Variants in CUBN observed in about 807,000 individuals in gnomAD.
CUBN encodes 460 kDa receptor.
CUBN carries 282 observed loss-of-function variants against 405.3 expected under a neutral mutation model. That is an observed-to-expected ratio of 0.70 (90% CI 0.63 to 0.77). CUBN has a LOEUF of 0.77. Ranked by LOEUF, CUBN falls within the 30% of genes least tolerant of loss-of-function variation. The pLI is 0.00. For synonymous variants in CUBN, 1,684 were observed against 1,617.0 expected (o/e 1.04, Z -0.99); for missense variants, 4,514 against 4,475.2 (o/e 1.01, Z -0.25).
chr10:16,901,741 G>A (rs1416354980), intron 51 of CUBN, among the ~76,000 whole-genome samples: 1 of 151,104 alleles, frequency 6.6e-6, no homozygotes, highest in Non-Finnish European at 1.5e-5. Context: ...GTAATCCCAG[G>A]TATTCAGGAG....
intron 22 of CUBN, among the ~76,000 whole-genome samples, chr10:17,060,603 A>C (rs769932328): frequency 5.9e-5 from 9 of 152,228 alleles, no homozygotes; most frequent in Non-Finnish European, 1.0e-4. Flanking sequence ...AATTATGAGA[A>C]AACACTAGCC....
At chr10:17,043,189 G>A (rs1013359464) in intron 26 of CUBN, among the ~76,000 whole-genome samples, 1 of 152,124 alleles carries the variant, frequency 6.6e-6, no homozygotes, top group African/African-American at 2.4e-5. Flanking sequence ...AGGGTTAGGA[G>A]CCAGAACAAA....
At chr10:16,860,881 C>A (rs1264740572) in intron 59 of CUBN, among the ~76,000 whole-genome samples, 2 of 152,202 alleles carry the variant, frequency 1.3e-5, no homozygotes, top group Non-Finnish European at 2.9e-5. Flanking sequence ...TGCTTCAAAA[C>A]ATCATCCCCA....
At chr10:16,944,692 C>T (rs1164131370) in intron 36 of CUBN, among the ~76,000 whole-genome samples, 1 of 152,158 alleles carries the variant, frequency 6.6e-6, no homozygotes, top group African/African-American at 2.4e-5. Flanking sequence ...TCAAAATTAA[C>T]TTCTTACAGG....
At position 16,915,945 on chromosome 10, in the gene CUBN, G is replaced by A. The variant is rs1451437310; in HGVS notation, c.7086C>T (p.Phe2362=). ...HPTLPYRDNL[F]CEWHLQGLSG... is the part of the protein sequence containing the mutation. Reference sequence around the variant, plus strand: ...AGAGCCCCTGGAGATGCCACTCACAGAATAAGTTGTCTCTGTATGGAAGTG... The same window carrying A: ...AGAGCCCCTGGAGATGCCACTCACAAAATAAGTTGTCTCTGTATGGAAGTG... The change falls in exon 46 of 67, where the codon TTC becomes TTT. Residue 2362 remains phenylalanine, a synonymous_variant. Transcript: ENST00000377833. 6.2e-7 allele frequency: 1 copy of A among 1,614,016 alleles called. No homozygotes were observed. The highest frequency in any genetic ancestry group is 1.3e-5 in the African/African-American group (1 of 74,918).
At chr10:17,083,670 T>G (rs767249043) in intron 17 of CUBN, among the ~76,000 whole-genome samples, 1 of 152,150 alleles carries the variant, frequency 6.6e-6, no homozygotes, top group Non-Finnish European at 1.5e-5. Context: ...TTTTCCTGGA[T>G]GAATAAATGG....
chr10:17,049,063 T>A (rs1835201479), intron 22 of CUBN, among the ~76,000 whole-genome samples: 1 of 152,234 alleles, frequency 6.6e-6, no homozygotes, highest in Non-Finnish European at 1.5e-5. Flanking sequence ...TAGAAAAGTA[T>A]GCTTCTCTGT....
intron 22 of CUBN, among the ~76,000 whole-genome samples, chr10:17,051,468 G>T (rs1429744651): frequency 6.6e-6 from 1 of 152,090 alleles, no homozygotes; most frequent in African/African-American, 2.4e-5. Context: ...GTCATCTTGT[G>T]ATTCAAAGAT....
intron 64 of CUBN, among the ~76,000 whole-genome samples, chr10:16,833,191 C>T (rs577558113): frequency 7.0e-4 from 106 of 152,298 alleles, no homozygotes; most frequent in African/African-American, 2.5e-3. Context: ...CGGGATTATT[C>T]CATCTTTCCT....
chr10:16,934,480 A>G (rs1842445846), intron 39 of CUBN, among the ~76,000 whole-genome samples: 1 of 152,212 alleles, frequency 6.6e-6, no homozygotes. Flanking sequence ...TTTTTAAAGC[A>G]ATTTCACATG....
chr10:16,957,620 C>T (rs1013718177), intron 31 of CUBN, among the ~76,000 whole-genome samples: 1 of 152,068 alleles, frequency 6.6e-6, no homozygotes, highest in Non-Finnish European at 1.5e-5. Context: ...CCTTTACACA[C>T]TATTGATGGG....
intron 28 of CUBN, among the ~76,000 whole-genome samples, chr10:16,997,789 A>G (rs904217110): frequency 1.3e-5 from 2 of 152,158 alleles, no homozygotes; most frequent in Non-Finnish European, 2.9e-5. Context: ...TCCTGGTTTG[A>G]TGTTACCAGT....
chr10:16,834,271 G>A (rs1488708253), intron 64 of CUBN, among the ~76,000 whole-genome samples: 2 of 152,112 alleles, frequency 1.3e-5, no homozygotes, highest in Admixed American at 1.3e-4. Flanking sequence ...CAGCGATGGG[G>A]CAGAAAGAGC....
intron 31 of CUBN, among the ~76,000 whole-genome samples, chr10:16,976,515 G>A (rs1200803141): frequency 1.3e-5 from 2 of 149,642 alleles, no homozygotes; most frequent in African/African-American, 2.5e-5. Context: ...TTTTTTTTTA[G>A]AAAAGTACGT....
chr10:16,831,284 C>G lies in CUBN; in HGVS notation c.10496G>C (p.Gly3499Ala). 3 of 1,614,048 alleles carry G rather than the reference C, an allele frequency of 1.9e-6. No homozygotes were observed. Among genetic ancestry groups the G allele is most frequent in the Non-Finnish European group, 2.5e-6 (3 of 1,179,954 alleles). Residue 3499 changes from glycine to alanine, a missense_variant, in exon 65 of 67, where the codon GGA becomes GCA. This residue lies in a region of CUBN where 1,186 missense variants were observed against 1,186.9 expected (regional missense o/e 1.00). Coordinates refer to ENST00000377833, the MANE Select transcript of CUBN (RefSeq NM_001081.4). The part of the protein sequence containing the change: ...FKSDSVTSDR[G>A]YEIIWTSSPS... ...TGATGAAGTCCAGATGATTTCATAT[C>G]CACGATCAGAAGTTACACTATCACT...
chr10:16,855,010 C>G (rs1839828908), intron 59 of CUBN, among the ~76,000 whole-genome samples: 1 of 137,966 alleles, frequency 7.2e-6, no homozygotes, highest in South Asian at 2.5e-4. Flanking sequence ...TTTTCTCTCT[C>G]TCTCTTTCTC....
At chr10:16,928,532 C>CCCCCCCCTTT (rs1403918589) in intron 40 of CUBN, among the ~76,000 whole-genome samples, 2 of 107,120 alleles carry the variant, frequency 1.9e-5, no homozygotes, top group African/African-American at 3.6e-5. Flanking sequence ...CCACCCCCCC[C>CCCCCCCCTTT]TTTTTTTTTT....
intron 27 of CUBN, among the ~76,000 whole-genome samples, chr10:17,030,705 G>A (rs906998662): frequency 6.6e-6 from 1 of 152,040 alleles, no homozygotes; most frequent in African/African-American, 2.4e-5. Context: ...GATCACCTGA[G>A]GTCGGCAGTT....
chr10:16,947,171 C>T, intron 36 of CUBN, 64 bp downstream of exon 36: 2 of 1,555,442 alleles, frequency 1.3e-6, no homozygotes, highest in East Asian at 2.2e-5. Flanking sequence ...ATCCTATTAG[C>T]ACCAGAACTT....
Sources: allele counts gnomAD v4.1 joint callset (sites outside exome capture counted in the v4.1 genomes callset), GRCh38; gene constraint gnomAD v4.1.1; regional missense constraint gnomAD v4.1.1; transcripts MANE v1.5; gene names NCBI Gene and HGNC (gene_info 2026-07-23, HGNC 2026-07-21).